The following UNC13D variants were observed in gnomAD, a reference collection of about 807,000 sequenced individuals.
The protein encoded by UNC13D is unc-13 homolog D.
In UNC13D, 115 loss-of-function variants were observed where a neutral mutation model predicts 151.7. The observed-to-expected ratio is 0.76, with a 90% CI of 0.65 to 0.88. UNC13D has a LOEUF of 0.88. Ranked by LOEUF, UNC13D falls within the 40% of genes least tolerant of loss-of-function variation. The probability of loss-of-function intolerance (pLI) is 0.00; values close to 1 mark genes in which losing one functional copy is unlikely to be tolerated. For missense variants in UNC13D, 1,369 were observed against 1,438.7 expected (o/e 0.95, Z 0.78); for synonymous variants, 588 against 612.2 (o/e 0.96, Z 0.58).
rs781244288 is a variant in UNC13D, at chr17:75,831,163, C to T, written c.2560G>A (p.Glu854Lys). The change falls in exon 27 of 32, where the codon GAG becomes AAG. Residue 854 changes from glutamate (E) to lysine (K), a missense_variant. By Grantham distance (56) the Glu-to-Lys change is moderately conservative. Around this residue, in one of 3 missense-constraint regions of UNC13D, gnomAD observed 807 missense variants for 795.5 expected, o/e 1.01. Coordinates refer to ENST00000207549, the MANE Select transcript of UNC13D (RefSeq NM_199242.3). ...CAGCCCTCAGCGTGGAAGCAGATCT[C>T]CAGGTTCTGGGGGAGATATCAGAGG... ...NRLKIALQNL[E>K]ICFHAEGCGL... 6.2e-6 allele frequency: 10 copies of T among 1,614,090 alleles called. No homozygotes were observed. Among genetic ancestry groups the T allele is most frequent in the Non-Finnish European group, 8.5e-6 (10 of 1,180,040 alleles).
chr17:75,827,926 TC>T lies in UNC13D; in HGVS notation c.*38del. 2 of 1,601,230 alleles carry T rather than the reference TC, an allele frequency of 1.2e-6. No individual in the cohort carries two copies. Among genetic ancestry groups the T allele is most frequent in the Non-Finnish European group, 1.7e-6 (2 of 1,176,044 alleles). ...GACCCTACAGGAAAGCCCTTGCAAG[TC>T]CCCACCGGGGACCCAGCCCCACCGC... On this transcript the variant is annotated 3_prime_UTR_variant, in exon 32 of 32. Transcript: ENST00000207549.
chr17:75,827,490 C>A lies in UNC13D; in HGVS notation c.*475G>T. On this transcript the variant is annotated 3_prime_UTR_variant, in exon 32 of 32. Transcript: ENST00000207549. The stretch of plus-strand genomic sequence containing the variant: ...CCCCTCTAGTAATGGCCACCACCCT[C>A]CCCCCAGGGCAGCTGGAGCCTCATC... The A allele has an allele frequency of 3.3e-6, 5 of 1,494,944 alleles. No homozygotes were observed. The highest frequency in any genetic ancestry group is 4.4e-6 in the Non-Finnish European group (5 of 1,124,202). 92.6% of individuals were successfully genotyped at this position (1,494,944 alleles called of 1,614,324 possible). A position where few individuals can be genotyped will look rare whatever the true frequency, so the allele number is the denominator to read the frequency against.
chr17:75,843,134 G>A (rs761427728), intron 3 of UNC13D, 25 bp downstream of exon 3: 44 of 1,609,386 alleles, frequency 2.7e-5, no homozygotes, highest in Non-Finnish European at 3.1e-5. Flanking sequence ...TGCAGGAAGG[G>A]GGGTGGGGTG....
Position 75,840,897 on chromosome 17 carries a change from C to T in UNC13D, c.614+60G>A, listed in dbSNP as rs1039595319. ...TACGACCTCTTCCAGGAGGAGGTTC[C>T]GCCTCTCTCACCCCAGATCCCTTCC... is the stretch of plus-strand genomic sequence containing the variant. On this transcript the variant is annotated intron_variant, in intron 7 of 31. Transcript: ENST00000207549. This position sits in a 1 kb window ranked among gnomAD's most constrained non-coding sequence, Gnocchi z 4.6. 18 of 1,613,780 alleles carry T rather than the reference C, an allele frequency of 1.1e-5. No individual in the cohort carries two copies. Among genetic ancestry groups the T allele is most frequent in the East Asian group, 6.7e-5 (3 of 44,898 alleles).
In UNC13D at chr17:75,842,877, A is replaced by G; in HGVS notation, c.368T>C (p.Ile123Thr). Reference protein sequence around the residue: ...LKATVKQAKGILGKDVSGFSD... With the variant: ...LKATVKQAKGTLGKDVSGFSD... Reference sequence around the variant, plus strand: ...CTCACCACTGACATCTTTGCCCAGAATGCCCTTGGCCTGTTTCACTGTTGC... The same window carrying G: ...CTCACCACTGACATCTTTGCCCAGAGTGCCCTTGGCCTGTTTCACTGTTGC... The change falls in exon 5 of 32, where the codon ATT (isoleucine) becomes ACT (threonine). Residue 123 changes from isoleucine (I) to threonine (T), a missense_variant. Ile to Thr is a moderately conservative substitution (Grantham distance 89). Coordinates refer to ENST00000207549, the MANE Select transcript of UNC13D (RefSeq NM_199242.3). 3 of 1,613,566 alleles carry G rather than the reference A, an allele frequency of 1.9e-6. No individual in the cohort carries two copies. Among genetic ancestry groups the G allele is most frequent in the Non-Finnish European group, 2.5e-6 (3 of 1,179,940 alleles).
In UNC13D at chr17:75,844,216, C is replaced by T. The variant is rs1472420706; in HGVS notation, c.117+5G>A. 4 of 1,611,164 alleles carry T rather than the reference C, an allele frequency of 2.5e-6. No homozygotes were observed. The highest frequency in any genetic ancestry group is 1.7e-6 in the Non-Finnish European group (2 of 1,179,904). On this transcript the variant is annotated splice_donor_5th_base_variant and intron_variant, in intron 1 of 31. Coordinates refer to ENST00000207549, the MANE Select transcript of UNC13D (RefSeq NM_199242.3). ...CAGCTCTCTCCCCAGTGAGGTCACT[C>T]CTACCTCCGGGGCCATTTGGGGCGG...
At position 75,830,615 on chromosome 17, in the gene UNC13D, A is replaced by G. The variant is rs1359661881; in HGVS notation, c.2672T>C (p.Leu891Pro). The G allele has an allele frequency of 2.2e-5, 34 of 1,558,480 alleles. No individual in the cohort carries two copies. Among genetic ancestry groups the G allele is most frequent in the Non-Finnish European group, 2.9e-5 (33 of 1,151,498 alleles). The change falls in exon 28 of 32, where the codon CTC becomes CCC. Residue 891 changes from leucine (L) to proline (P), a missense_variant. Coordinates refer to ENST00000207549, the MANE Select transcript of UNC13D (RefSeq NM_199242.3). ...LELQAASSRE[L>P]IRKYFCSRIQ... ...TCGGCTGCAGAAGTACTTCCGGATG[A>G]GTTCCCGGCTGGAGGCCGCCTGCAG...
chr17:75,835,386 C>A (rs1446821044), intron 20 of UNC13D, 23 bp downstream of exon 20: 1 of 1,608,536 alleles, frequency 6.2e-7, no homozygotes, highest in Non-Finnish European at 8.5e-7. Flanking sequence ...GGGCCCCGCC[C>A]CCTGCCCTGG....
rs553992292 is a variant in UNC13D at position 75,828,886 on chromosome 17, C to A, written c.3052G>T (p.Ala1018Ser). 32 of 1,604,240 alleles carry A rather than the reference C, an allele frequency of 2.0e-5. No homozygotes were observed. The South Asian group carries it at 3.3e-4, about 17-fold the overall frequency. ...TLGADDLEGE[A>S]FLPLREVPGL... ...GGCACCTCACGCAGCGGCAGGAAGGCCTCGCCTTCCAGGTCGTCGGCCCCC... is the reference window on the plus strand; with the variant it reads ...GGCACCTCACGCAGCGGCAGGAAGGACTCGCCTTCCAGGTCGTCGGCCCCC... The change falls in exon 31 of 32, where the codon GCC (alanine) becomes TCC (serine). Residue 1018 changes from alanine to serine, a missense_variant. Coordinates refer to ENST00000207549, the MANE Select transcript of UNC13D (RefSeq NM_199242.3).
chr17:75,829,494 C>T (rs147991750), intron 30 of UNC13D, among the ~76,000 whole-genome samples: 2,581 of 151,958 alleles, frequency 0.017, 30 homozygotes, highest in Non-Finnish European at 0.024. Flanking sequence ...GGGGTTTCAC[C>T]ATGTTAGCCA....
chr17:75,829,201 G>A (rs966743954), intron 30 of UNC13D, among the ~76,000 whole-genome samples: 4 of 152,224 alleles, frequency 2.6e-5, no homozygotes, highest in South Asian at 2.1e-4. Context: ...CTGTGCTGAG[G>A]AACTAGGAGC....
At chr17:75,844,194 C>T in intron 1 of UNC13D, 27 bp downstream of exon 1, 1 of 1,608,116 alleles carries the variant, frequency 6.2e-7, no homozygotes, top group Non-Finnish European at 8.5e-7. Context: ...CCAAGGCCAG[C>T]TCTCTCCCCA....
chr17:75,838,956 C>T (rs7217536), intron 12 of UNC13D, among the ~76,000 whole-genome samples: 69,034 of 151,962 alleles, frequency 0.45, 19,097 homozygotes, highest in African/African-American at 0.79. Flanking sequence ...AAAAATTAGC[C>T]GGGCGCGGTG....
Position 75,830,410 on chromosome 17 carries a change from G to A in UNC13D, c.2782C>T (p.Arg928Cys), listed in dbSNP as rs35037984. Residue 928 changes from arginine to cysteine, a missense_variant, in exon 29 of 32, where the codon CGT becomes TGT. By Grantham distance (180) the Arg-to-Cys change is radical. Around this residue, in one of 3 missense-constraint regions of UNC13D, gnomAD observed 807 missense variants for 795.5 expected, o/e 1.01. Transcript: ENST00000207549. ...ASYRASEQKL[R>C]VELLSASSLL... Reference sequence around the variant, plus strand: ...CTGGAGGCGCTGAGCAGCTCCACACGCAGCTTCTGCTCAGAGGCGCGGTAG... The same window carrying A: ...CTGGAGGCGCTGAGCAGCTCCACACACAGCTTCTGCTCAGAGGCGCGGTAG... 0.02 allele frequency: 32,119 copies of A among 1,588,302 alleles called. 390 individuals carry two copies. The highest frequency in any genetic ancestry group is 0.036 in the Middle Eastern group (167 of 4,612).
rs1488264432 is a variant in UNC13D at position 75,836,191 on chromosome 17, G to A, written c.1446+9C>T. On this transcript the variant is annotated intron_variant, in intron 16 of 31. Transcript: ENST00000207549. ...GACCCCCTGCCCTCCCCCTTGCCCA[G>A]CCCCTCACCTGCACCATGGGTTGAT... 2 of 1,558,366 alleles carry A rather than the reference G, an allele frequency of 1.3e-6. No individual in the cohort carries two copies. Among genetic ancestry groups the A allele is most frequent in the Admixed American group, 1.7e-5 (1 of 59,262 alleles).
chr17:75,829,467 T>TG (rs1348861170), intron 30 of UNC13D, among the ~76,000 whole-genome samples: 16 of 150,922 alleles, frequency 1.1e-4, no homozygotes, highest in Non-Finnish European at 1.6e-4. Context: ...AGCTAATTTT[T>TG]TGTTTTTAGT....
At position 75,828,605 on chromosome 17, in the gene UNC13D, C is replaced by T. The variant is rs111489511; in HGVS notation, c.3151+182G>A. Among the ~76,000 whole-genome samples, 1,298 of 152,326 alleles carry T rather than the reference C, an allele frequency of 8.5e-3. 15 individuals carry two copies. The highest frequency in any genetic ancestry group is 0.031 in the Middle Eastern group (9 of 294). On this transcript the variant is annotated intron_variant, in intron 31 of 31. Coordinates refer to ENST00000207549, the MANE Select transcript of UNC13D (RefSeq NM_199242.3). ...TGACTTCCCCATGCAAGGAGAGTCA[C>T]GTTACACTTAGCTTAAAGTTCACTG...
At position 75,832,758 on chromosome 17, in the gene UNC13D, A is replaced by T. The variant is rs2064880312; in HGVS notation, c.2447+208T>A. On this transcript the variant is annotated intron_variant, in intron 25 of 31. Transcript: ENST00000207549. This position sits in a 1 kb window ranked among gnomAD's most constrained non-coding sequence, Gnocchi z 4.3. ...GCAGAGCCTGTTGCACCCATAAGGG[A>T]GGTCACCAAAGGGATTCACCTCCAC... 1 of 544,452 alleles carries T rather than the reference A, an allele frequency of 1.8e-6. No individual in the cohort carries two copies. Among genetic ancestry groups the T allele is most frequent in the African/African-American group, 1.9e-5 (1 of 52,762 alleles). 33.7% of individuals were successfully genotyped at this position (544,452 alleles called of 1,614,324 possible).
intron 31 of UNC13D, 148 bp from the exon 32 acceptor site, chr17:75,828,234 G>T: frequency 7.9e-7 from 1 of 1,264,370 alleles, no homozygotes; most frequent in Non-Finnish European, 1.1e-6. Context: ...CGCCAGCCCA[G>T]CCCAGGAGGT....
Sources: allele counts gnomAD v4.1 joint callset (sites outside exome capture counted in the v4.1 genomes callset), GRCh38; gene constraint gnomAD v4.1.1; regional missense constraint gnomAD v4.1.1; non-coding constraint Gnocchi (gnomAD v3.1); transcripts MANE v1.5; gene names NCBI Gene and HGNC (gene_info 2026-07-23, HGNC 2026-07-21).